Variants in DLC1 observed in about 807,000 individuals in gnomAD.
DLC1 encodes the protein rho GTPase-activating protein 7.
DLC1 carries 54 observed loss-of-function variants against 140.3 expected under a neutral mutation model. The observed-to-expected ratio is 0.38, with a 90% confidence interval of 0.31 to 0.48. DLC1 has a LOEUF of 0.48. DLC1 is among the 20% of genes least tolerant of loss of function. The pLI, the probability that DLC1 is intolerant of heterozygous loss-of-function variation, is 0.96. For synonymous variants in DLC1, 986 were observed against 728.1 expected (o/e 1.35, Z -5.70); for missense variants, 2,536 against 1,907.0 (o/e 1.33, Z -6.14).
chr8:13,418,001 A>C (rs550913196), intron 2 of DLC1, among the ~76,000 whole-genome samples: 2 of 152,310 alleles, frequency 1.3e-5, no homozygotes, highest in South Asian at 4.1e-4. Flanking sequence ...TTTTGGCTGC[A>C]TAAATGTCTT....
At chr8:13,381,742 C>T (rs1040774051) in intron 4 of DLC1, among the ~76,000 whole-genome samples, 1 of 152,168 alleles carries the variant, frequency 6.6e-6, no homozygotes, top group African/African-American at 2.4e-5. Flanking sequence ...TTGAACAAAA[C>T]ACTACTGAAT....
chr8:13,339,673 G>A (rs1235138147), intron 4 of DLC1: 1 of 152,126 alleles, frequency 6.6e-6, no homozygotes, highest in Admixed American at 6.5e-5. Flanking sequence ...TGCATGCCAA[G>A]TTTATTTGTG....
At chr8:13,431,154 A>T (rs1393424385) in intron 2 of DLC1, among the ~76,000 whole-genome samples, 1 of 152,168 alleles carries the variant, frequency 6.6e-6, no homozygotes, top group African/African-American at 2.4e-5. Context: ...CATAACTGAG[A>T]AGTCCAAGAG....
intron 5 of DLC1, among the ~76,000 whole-genome samples, chr8:13,200,270 G>C (rs910483935): frequency 6.6e-6 from 1 of 151,586 alleles, no homozygotes; most frequent in African/African-American, 2.4e-5. Context: ...CACTATGTTG[G>C]CCAGGCTTGT....
intron 4 of DLC1, among the ~76,000 whole-genome samples, chr8:13,312,251 C>G (rs10105960): frequency 0.039 from 5,074 of 131,068 alleles, 590 homozygotes; most frequent in African/African-American, 0.14. Context: ...GTCCCAGCTA[C>G]TCGGGAGGCT....
chr8:13,220,285 A>T (rs1355967794), intron 5 of DLC1, among the ~76,000 whole-genome samples: 1 of 152,176 alleles, frequency 6.6e-6, no homozygotes, highest in African/African-American at 2.4e-5. Flanking sequence ...TCTGAGAACA[A>T]AGGAAATTTG....
intron 5 of DLC1, among the ~76,000 whole-genome samples, chr8:13,182,192 T>C (rs1402374271): frequency 1.3e-5 from 2 of 152,162 alleles, no homozygotes; most frequent in African/African-American, 4.8e-5. Flanking sequence ...TTTTTTCTTT[T>C]TTTTTCATGT....
chr8:13,573,047 G>C (rs796973106), intron 1 of DLC1, among the ~76,000 whole-genome samples: 6 of 152,184 alleles, frequency 3.9e-5, no homozygotes, highest in African/African-American at 1.2e-4. Context: ...CATTTAATCT[G>C]TATATATCTT....
intron 5 of DLC1, among the ~76,000 whole-genome samples, chr8:13,270,418 A>G (rs934344090): frequency 1.1e-4 from 17 of 152,068 alleles, no homozygotes; most frequent in Non-Finnish European, 2.9e-5. Flanking sequence ...TTCCCATACC[A>G]CAGCTGAGCC....
chr8:13,100,618 C>T lies in DLC1; in HGVS notation c.1719G>A (p.Lys573=), dbSNP rs138711469. The change falls in exon 9 of 18, where the codon AAG becomes AAA. Residue 573 remains lysine, a synonymous_variant. Transcript: ENST00000276297. ...GCGTGCCTCCGGGGCTGGGGCCGTCCTTCGGGTGGGAGTCGTCTGGGGACC... is the reference window on the plus strand; with the variant it reads ...GCGTGCCTCCGGGGCTGGGGCCGTCTTTCGGGTGGGAGTCGTCTGGGGACC... The part of the protein sequence containing the change: ...VPGSPDDSHP[K]DGPSPGGTLM... The T allele has an allele frequency of 3.6e-4, 577 of 1,613,980 alleles. No individual in the cohort carries two copies. The highest frequency in any genetic ancestry group is 1.5e-3 in the Middle Eastern group (9 of 6,076).
At chr8:13,587,028 G>T (rs751660871) in intron 1 of DLC1, among the ~76,000 whole-genome samples, 2 of 150,382 alleles carry the variant, frequency 1.3e-5, no homozygotes, top group Non-Finnish European at 3.0e-5. Flanking sequence ...AGAAATATAT[G>T]TAGGTAGTGA....
chr8:13,318,074 A>T (rs1832926821), intron 4 of DLC1, among the ~76,000 whole-genome samples: 1 of 152,074 alleles, frequency 6.6e-6, no homozygotes, highest in South Asian at 2.1e-4. Context: ...GTTACCCAGG[A>T]TGGAGTGCAG....
intron 2 of DLC1, among the ~76,000 whole-genome samples, chr8:13,436,199 A>T (rs1347109945): frequency 6.6e-6 from 1 of 152,230 alleles, no homozygotes; most frequent in East Asian, 1.9e-4. Context: ...TCTGCAAAAC[A>T]TGCCTGCATC....
intron 4 of DLC1, among the ~76,000 whole-genome samples, chr8:13,334,663 G>A (rs1158673366): frequency 6.6e-6 from 1 of 152,164 alleles, no homozygotes; most frequent in African/African-American, 2.4e-5. Context: ...GACTGGATGA[G>A]TCATTTGAAG....
chr8:13,462,167 C>T (rs2117027727), intron 2 of DLC1, among the ~76,000 whole-genome samples: 1 of 152,248 alleles, frequency 6.6e-6, no homozygotes, highest in Non-Finnish European at 1.5e-5. Flanking sequence ...CATGGTTCAC[C>T]AAATATATTT....
intron 4 of DLC1, among the ~76,000 whole-genome samples, chr8:13,366,839 C>T (rs1045944605): frequency 6.6e-6 from 1 of 152,104 alleles, no homozygotes; most frequent in African/African-American, 2.4e-5. Context: ...AGAAGCTTTC[C>T]CATCAGTCAT....
chr8:13,349,927 C>T (rs547257206), intron 4 of DLC1, among the ~76,000 whole-genome samples: 4 of 152,194 alleles, frequency 2.6e-5, no homozygotes, highest in African/African-American at 9.6e-5. Flanking sequence ...TATGGACTCT[C>T]TCTTTTTCCT....
intron 5 of DLC1, among the ~76,000 whole-genome samples, chr8:13,240,476 A>C (rs144529275): frequency 6.6e-6 from 1 of 152,218 alleles, no homozygotes; most frequent in African/African-American, 2.4e-5. Context: ...GCTGGAGTCC[A>C]GTTATATGAT....
At chr8:13,456,079 C>A (rs1158155628) in intron 2 of DLC1, among the ~76,000 whole-genome samples, 26 of 152,224 alleles carry the variant, frequency 1.7e-4, no homozygotes, top group South Asian at 2.1e-4. Context: ...GGAAAAGCAT[C>A]ATTTCTTTTC....
Sources: gnomAD v4.1 joint callset for allele counts (sites outside exome capture counted in the v4.1 genomes callset) on GRCh38, gnomAD v4.1.1 for gene constraint, MANE v1.5 for transcripts, NCBI Gene and HGNC (gene_info 2026-07-23, HGNC 2026-07-21) for gene names.